ELAVL2: variants seen among roughly 807,000 people sequenced by gnomAD.
ELAVL2 encodes ELAV-like protein 2.
In ELAVL2, 4 loss-of-function variants were observed where a neutral mutation model predicts 34.6. That is an observed-to-expected ratio of 0.12 (90% CI 0.06 to 0.26). The LOEUF (loss-of-function observed/expected upper bound fraction) is 0.26. Ranked by LOEUF, ELAVL2 falls within the 10% of genes least tolerant of loss-of-function variation. The pLI is 1.00. For synonymous variants in ELAVL2, 193 were observed against 154.8 expected (o/e 1.25, Z -1.83); for missense variants, 432 against 442.8 (o/e 0.98, Z 0.22).
chr9:23,692,298 T>C lies in ELAVL2; in HGVS notation c.*259A>G, dbSNP rs2033411718. 2.7e-6 allele frequency: 1 copy of C among 374,488 alleles called. No individual in the cohort carries two copies. The highest frequency in any genetic ancestry group is 4.1e-5 in the Admixed American group (1 of 24,128). The allele number at this position is 374,488 out of a possible 1,614,324, so 23.2% of individuals were successfully genotyped here. A position where few individuals can be genotyped will look rare whatever the true frequency, so the allele number is the denominator to read the frequency against. ...AAACACTTTAAAAGGTCCACCTTCT[T>C]CAAAGAAGGCAATAGAATGCAATGT... is the stretch of plus-strand genomic sequence containing the variant. On this transcript the variant is annotated 3_prime_UTR_variant, in exon 7 of 7. Transcript: ENST00000397312.
chr9:23,827,549 T>C (rs1049498042), upstream of ELAVL2, among the ~76,000 whole-genome samples: 7 of 152,328 alleles, frequency 4.6e-5, no homozygotes, highest in East Asian at 1.4e-3. Context: ...GTAAATGTAA[T>C]GTACACATTA....
chr9:23,702,951 C>CCAAAAAAAAAAAAAAAA (rs2037824067), intron 4 of ELAVL2, among the ~76,000 whole-genome samples: 1 of 47,626 alleles, frequency 2.1e-5, no homozygotes, highest in East Asian at 8.8e-4. Flanking sequence ...ATCAGATTAG[C>CCAAAAAAAAAAAAAAAA]AAAAAAAAAA....
chr9:23,752,893 G>A (rs1436576033), intron 2 of ELAVL2, among the ~76,000 whole-genome samples: 1 of 152,144 alleles, frequency 6.6e-6, no homozygotes, highest in East Asian at 1.9e-4. Flanking sequence ...GATATATGGT[G>A]TCAGAAATTA....
At chr9:23,751,815 A>G (rs2052124665) in intron 2 of ELAVL2, among the ~76,000 whole-genome samples, 1 of 152,196 alleles carries the variant, frequency 6.6e-6, no homozygotes, top group Non-Finnish European at 1.5e-5. Context: ...TCATTCTGAA[A>G]CATTCACACA....
chr9:23,758,990 C>T (rs920758851), intron 2 of ELAVL2, among the ~76,000 whole-genome samples: 1 of 151,912 alleles, frequency 6.6e-6, no homozygotes, highest in African/African-American at 2.4e-5. Flanking sequence ...ACCAAATACA[C>T]TATGAAAAAT....
At chr9:23,781,196 ACAAAG>A (rs1446129147) in intron 1 of ELAVL2, among the ~76,000 whole-genome samples, 1 of 152,242 alleles carries the variant, frequency 6.6e-6, no homozygotes, top group Non-Finnish European at 1.5e-5. Context: ...CAGGCACTAT[ACAAAG>A]TAGGGTATTG....
intron 2 of ELAVL2, among the ~76,000 whole-genome samples, chr9:23,758,764 A>G (rs1205958219): frequency 6.6e-6 from 1 of 152,058 alleles, no homozygotes; most frequent in African/African-American, 2.4e-5. Context: ...ACTATAATTC[A>G]AACAGGTTTT....
intron 1 of ELAVL2, among the ~76,000 whole-genome samples, chr9:23,778,356 C>T (rs1199108090): frequency 4.6e-5 from 7 of 152,202 alleles, no homozygotes; most frequent in African/African-American, 1.7e-4. Flanking sequence ...GTTTCTCCAA[C>T]GTCCTTAAAA....
At chr9:23,760,939 T>C (rs1264666240) in intron 2 of ELAVL2, among the ~76,000 whole-genome samples, 1 of 152,024 alleles carries the variant, frequency 6.6e-6, no homozygotes, top group Non-Finnish European at 1.5e-5. Context: ...AAGTCCCATG[T>C]ATGAAAAAGT....
chr9:23,783,888 A>G (rs1306335959), intron 1 of ELAVL2, among the ~76,000 whole-genome samples: 2 of 152,170 alleles, frequency 1.3e-5, no homozygotes, highest in East Asian at 1.9e-4. Context: ...ACATAGTTGC[A>G]ATCATTTTTA....
chr9:23,714,192 T>A (rs527740993), intron 3 of ELAVL2, among the ~76,000 whole-genome samples: 23 of 152,246 alleles, frequency 1.5e-4, no homozygotes, highest in African/African-American at 5.3e-4. Flanking sequence ...CTCCTCCCAA[T>A]AAGTTTATGC....
Position 23,692,884 on chromosome 9 carries a change from C to G in ELAVL2, c.753G>C (p.Arg251Ser). ...NLLNMAYGVK[R>S]FSPMTIDGMT... ...TTCCGTCAATGGTCATTGGAGAAAA[C>G]CTGCTAAACAGAATAGGAAATACAC... Residue 251 changes from arginine to serine, a missense_variant and splice_region_variant, in exon 7 of 7, where the codon AGG (arginine) becomes AGC (serine). Arg to Ser is a moderately radical substitution (Grantham distance 110). This residue lies in a region of ELAVL2 where 295 missense variants were observed against 306.1 expected (regional missense o/e 0.96). Transcript: ENST00000397312. 1.2e-6 allele frequency: 2 copies of G among 1,612,730 alleles called. No individual in the cohort carries two copies. The highest frequency in any genetic ancestry group is 1.7e-6 in the Non-Finnish European group (2 of 1,179,060).
the ELAVL2 span, among the ~76,000 whole-genome samples, chr9:23,848,792 T>G: frequency 1.3e-5 from 2 of 152,320 alleles, no homozygotes; most frequent in African/African-American, 4.8e-5. Context: ...AAATTAAGAA[T>G]GGACTCAACA....
intron 1 of ELAVL2, among the ~76,000 whole-genome samples, chr9:23,769,255 TC>T (rs2056883447): frequency 6.6e-6 from 1 of 152,054 alleles, no homozygotes; most frequent in Non-Finnish European, 1.5e-5. Context: ...TACCACACCA[TC>T]CTTTGGGGAA....
intron 1 of ELAVL2, among the ~76,000 whole-genome samples, chr9:23,808,726 T>G (rs1183514094): frequency 1.3e-5 from 2 of 152,216 alleles, no homozygotes; most frequent in Non-Finnish European, 2.9e-5. Flanking sequence ...ATTGCCACAT[T>G]TCTTTGAGAC....
rs566813293 is a variant in ELAVL2 at position 23,804,534 on chromosome 9, A to C, written c.-16+21272T>G. Among the ~76,000 whole-genome samples the C allele has an allele frequency of 2.1e-3, 324 of 152,334 alleles. 1 individual carries two copies. The highest frequency in any genetic ancestry group is 7.5e-3 in the African/African-American group (313 of 41,570). On this transcript the variant is annotated intron_variant, in intron 1 of 6. Coordinates refer to ENST00000397312, the MANE Select transcript of ELAVL2 (RefSeq NM_004432.5). ...GATTAATTTAACCAATCCCCTACTGATGAACATTCCAAGGTTTTGCTATTT... is the reference window on the plus strand; with the variant it reads ...GATTAATTTAACCAATCCCCTACTGCTGAACATTCCAAGGTTTTGCTATTT...
chr9:23,740,001 ACT>A (rs2048782467), intron 2 of ELAVL2, among the ~76,000 whole-genome samples: 1 of 152,020 alleles, frequency 6.6e-6, no homozygotes, highest in Admixed American at 6.6e-5. Flanking sequence ...ATAAAATTAG[ACT>A]CTAACAAACT....
At chr9:23,743,299 G>A (rs1195589850) in intron 2 of ELAVL2, among the ~76,000 whole-genome samples, 4 of 152,154 alleles carry the variant, frequency 2.6e-5, no homozygotes, top group Non-Finnish European at 5.9e-5. Context: ...CAGCTCCTAC[G>A]ATTGCCACAT....
chr9:23,847,448 G>T, the ELAVL2 span: 1 of 151,982 alleles, frequency 6.6e-6, no homozygotes, highest in Non-Finnish European at 1.5e-5. Context: ...TTCTATGAGA[G>T]TATTGCTTAG....
Sources: allele counts gnomAD v4.1 joint callset (sites outside exome capture counted in the v4.1 genomes callset), GRCh38; gene constraint gnomAD v4.1.1; regional missense constraint gnomAD v4.1.1; transcripts MANE v1.5; gene names NCBI Gene and HGNC (gene_info 2026-07-23, HGNC 2026-07-21).